PRR16: variants seen among roughly 807,000 people sequenced by gnomAD.
The protein encoded by PRR16 is protein Largen.
A neutral mutation model predicts 18.2 loss-of-function variants in PRR16; 6 were observed. The observed-to-expected ratio is 0.33, with a 90% CI of 0.18 to 0.65. PRR16 has a LOEUF of 0.65. Among genes scored for constraint, PRR16 ranks in the 30% least tolerant of loss-of-function variants. The probability of loss-of-function intolerance (pLI) is 0.74; values close to 1 mark genes in which losing one functional copy is unlikely to be tolerated. For synonymous variants in PRR16, 151 were observed against 147.8 expected, an observed-to-expected ratio of 1.02 and a Z score of -0.16; for missense variants, 412 against 376.6, an observed-to-expected ratio of 1.09 and a Z score of -0.78.
At chr5:120,555,469 C>G (rs1006476069) in intron 1 of PRR16, among the ~76,000 whole-genome samples, 1 of 151,756 alleles carries the variant, frequency 6.6e-6, no homozygotes, top group African/African-American at 2.4e-5. Context: ...TCCTGGCTTA[C>G]AGAGGAAAGT....
At chr5:120,778,086 G>A in the PRR16 span, among the ~76,000 whole-genome samples, 1 of 152,046 alleles carries the variant, frequency 6.6e-6, no homozygotes, top group African/African-American at 2.4e-5. Context: ...TCCTGGCAAT[G>A]TTAAGATGCC....
intron 1 of PRR16, among the ~76,000 whole-genome samples, chr5:120,677,163 A>T (rs1756825404): frequency 6.6e-6 from 1 of 152,216 alleles, no homozygotes; most frequent in African/African-American, 2.4e-5. Flanking sequence ...GCTTATTTTC[A>T]TCCTGTCAGT....
chr5:120,758,826 C>G, the PRR16 span, among the ~76,000 whole-genome samples: 1 of 151,984 alleles, frequency 6.6e-6, no homozygotes, highest in Non-Finnish European at 1.5e-5. Flanking sequence ...CAAACTAATA[C>G]ATTAGTCTAA....
At chr5:120,622,279 G>C (rs1336651312) in intron 1 of PRR16, among the ~76,000 whole-genome samples, 2 of 152,014 alleles carry the variant, frequency 1.3e-5, no homozygotes, top group African/African-American at 4.8e-5. Flanking sequence ...TGGAGTGAAG[G>C]AAGGAGATTC....
chr5:120,663,656 C>A (rs558931821), intron 1 of PRR16, among the ~76,000 whole-genome samples: 1 of 152,244 alleles, frequency 6.6e-6, no homozygotes, highest in Non-Finnish European at 1.5e-5. Context: ...AGCTTAGAAA[C>A]AACTTTTCTT....
the PRR16 span, among the ~76,000 whole-genome samples, chr5:120,779,119 C>T: frequency 2.0e-5 from 3 of 152,030 alleles, no homozygotes; most frequent in African/African-American, 7.2e-5. Context: ...TTAGATTCCG[C>T]AGGGTTTAAT....
the PRR16 span, among the ~76,000 whole-genome samples, chr5:120,783,124 T>A: frequency 1.3e-5 from 2 of 152,234 alleles, no homozygotes; most frequent in African/African-American, 4.8e-5. Flanking sequence ...TTTTAGAAAA[T>A]GTCATATATA....
intron 1 of PRR16, among the ~76,000 whole-genome samples, chr5:120,637,317 G>A (rs1173989893): frequency 1.1e-4 from 7 of 62,640 alleles, no homozygotes; most frequent in South Asian, 8.5e-4. Flanking sequence ...CCATTATACG[G>A]AAAAAAAAAA....
At chr5:120,700,441 G>C in the PRR16 span, among the ~76,000 whole-genome samples, 2 of 150,254 alleles carry the variant, frequency 1.3e-5, no homozygotes, top group Admixed American at 6.6e-5. Context: ...GGGTTAAGGT[G>C]GGGGGATACA....
In PRR16 at chr5:120,631,328, A is replaced by T. The variant is rs368527678; in HGVS notation, c.160-54626A>T. On this transcript the variant is annotated intron_variant, in intron 1 of 1. Transcript: ENST00000407149. ...CTGCAGGAACATACCAGGAAAGCCA[A>T]GAGAATCAACAGACCTTTTGAAGGA... 8.5e-5 allele frequency among the ~76,000 whole-genome samples: 13 copies of T among 152,280 alleles called. No homozygotes were observed. In the East Asian group the frequency reaches 2.5e-3, roughly 29 times the overall value.
At chr5:120,517,645 A>T (rs1429717578) in intron 1 of PRR16, among the ~76,000 whole-genome samples, 2 of 152,122 alleles carry the variant, frequency 1.3e-5, no homozygotes, top group Non-Finnish European at 2.9e-5. Context: ...CTACAGTTTT[A>T]TTGATTGTTC....
At chr5:120,644,939 A>G (rs1755539601) in intron 1 of PRR16, among the ~76,000 whole-genome samples, 1 of 152,134 alleles carries the variant, frequency 6.6e-6, no homozygotes, top group Admixed American at 6.6e-5. Flanking sequence ...CCATCTCTGC[A>G]ACTAATTCGT....
rs184665399 is a variant in PRR16 at position 120,507,419 on chromosome 5, A to C, written c.159+42774A>C. 6.5e-4 allele frequency among the ~76,000 whole-genome samples: 99 copies of C among 152,272 alleles called. No homozygotes were observed. The Middle Eastern group carries it at 0.027, about 42-fold the overall frequency. On this transcript the variant is annotated intron_variant, in intron 1 of 1. Coordinates refer to ENST00000407149, the MANE Select transcript of PRR16 (RefSeq NM_001300783.2). ...TCCTGATTTATCAGCAGTGTTTCTCAGTGTGAAAAACCTTACAGTTAGCAA... is the reference window on the plus strand; with the variant it reads ...TCCTGATTTATCAGCAGTGTTTCTCCGTGTGAAAAACCTTACAGTTAGCAA...
chr5:120,679,613 T>C (rs1756909703), intron 1 of PRR16, among the ~76,000 whole-genome samples: 1 of 152,166 alleles, frequency 6.6e-6, no homozygotes, highest in African/African-American at 2.4e-5. Flanking sequence ...GATTTACTTA[T>C]TTTATTTCTT....
At chr5:120,634,368 G>A (rs1462203084) in intron 1 of PRR16, among the ~76,000 whole-genome samples, 1 of 152,194 alleles carries the variant, frequency 6.6e-6, no homozygotes, top group African/African-American at 2.4e-5. Context: ...AGAGGGCCGG[G>A]CATGGTGGTT....
chr5:120,791,516 AAAAAAAAAG>A, the PRR16 span, among the ~76,000 whole-genome samples: 9 of 133,764 alleles, frequency 6.7e-5, no homozygotes, highest in Admixed American at 6.5e-4. Flanking sequence ...TAATTAGATT[AAAAAAAAAG>A]GTCACTAATC....
At chr5:120,506,856 ACTTTT>A (rs1170381485) in intron 1 of PRR16, among the ~76,000 whole-genome samples, 4 of 152,090 alleles carry the variant, frequency 2.6e-5, no homozygotes, top group Non-Finnish European at 5.9e-5. Context: ...CTGAGCCTAT[ACTTTT>A]AAGTTTCCCA....
At chr5:120,756,445 G>A in the PRR16 span, among the ~76,000 whole-genome samples, 1 of 151,970 alleles carries the variant, frequency 6.6e-6, no homozygotes, top group Non-Finnish European at 1.5e-5. Flanking sequence ...TTTCTCTGCG[G>A]CCTCACCAGC....
intron 1 of PRR16, among the ~76,000 whole-genome samples, chr5:120,544,043 T>C (rs1244980511): frequency 6.6e-6 from 1 of 152,184 alleles, no homozygotes; most frequent in Non-Finnish European, 1.5e-5. Flanking sequence ...TGGATTTCTG[T>C]AATAACCCCT....
Sources: allele counts gnomAD v4.1 joint callset (sites outside exome capture counted in the v4.1 genomes callset), GRCh38; gene constraint gnomAD v4.1.1; transcripts MANE v1.5; gene names NCBI Gene and HGNC (gene_info 2026-07-23, HGNC 2026-07-21).